The following VAV3 variants were observed in gnomAD, a reference collection of about 807,000 sequenced individuals.
VAV3 encodes vav guanine nucleotide exchange factor 3.
A neutral mutation model predicts 131.2 loss-of-function variants in VAV3; 94 were observed. The observed-to-expected ratio is 0.72, with a 90% confidence interval of 0.61 to 0.85. The LOEUF is 0.85. VAV3 is among the 40% of genes least tolerant of loss of function. The pLI, the probability that VAV3 is intolerant of heterozygous loss-of-function variation, is 0.00. For missense variants in VAV3, 939 were observed against 1,002.7 expected (o/e 0.94, Z 0.86); for synonymous variants, 349 against 342.0 (o/e 1.02, Z -0.22).
At chr1:107,863,303 T>A (rs1037520244) in intron 2 of VAV3, among the ~76,000 whole-genome samples, 11 of 152,182 alleles carry the variant, frequency 7.2e-5, no homozygotes, top group African/African-American at 2.2e-4. Context: ...AAGGTCTGCA[T>A]CATTTTTTAA....
intron 25 of VAV3, among the ~76,000 whole-genome samples, chr1:107,595,283 A>C (rs1307945159): frequency 6.6e-6 from 1 of 152,186 alleles, no homozygotes; most frequent in African/African-American, 2.4e-5. Flanking sequence ...GTTTACTTGA[A>C]TTGAAATGTA....
Position 107,964,606 on chromosome 1 carries a change from A to G in VAV3, c.204+60T>C. 10 of 1,556,008 alleles carry G rather than the reference A, an allele frequency of 6.4e-6. 1 individual carries two copies. The South Asian group carries it at 1.2e-4, about 18-fold the overall frequency. Reference sequence around the variant, plus strand: ...ACGTTTGCATTTACACAAAGAAATTAGCCGCATGATTAATGGGAGCTGCCG... The same window carrying G: ...ACGTTTGCATTTACACAAAGAAATTGGCCGCATGATTAATGGGAGCTGCCG... On this transcript the variant is annotated intron_variant, in intron 1 of 26. Coordinates refer to ENST00000370056, the MANE Select transcript of VAV3 (RefSeq NM_006113.5).
intron 26 of VAV3, 132 bp downstream of exon 26, chr1:107,573,915 C>T: frequency 8.4e-7 from 1 of 1,188,212 alleles, no homozygotes; most frequent in African/African-American, 1.6e-5. Context: ...CACCAGTTTC[C>T]AGAGGGCAGA....
intron 1 of VAV3, among the ~76,000 whole-genome samples, chr1:107,891,764 G>C (rs367684095): frequency 6.6e-6 from 1 of 150,978 alleles, no homozygotes; most frequent in Admixed American, 6.6e-5. Flanking sequence ...GCTTGAACCC[G>C]GGAGGCAGAG....
chr1:107,952,468 T>TTTATATATATATATA (rs1553235441), intron 1 of VAV3, among the ~76,000 whole-genome samples: 9 of 118,976 alleles, frequency 7.6e-5, no homozygotes, highest in African/African-American at 1.1e-4. Flanking sequence ...TAACAAAACT[T>TTTATATATATATATA]TATATATATA....
chr1:107,637,678 T>C (rs1364946422), intron 20 of VAV3, among the ~76,000 whole-genome samples: 1 of 152,080 alleles, frequency 6.6e-6, no homozygotes, highest in Non-Finnish European at 1.5e-5. Flanking sequence ...CTAAGGAAAC[T>C]CTAGGCCTAG....
intron 19 of VAV3, among the ~76,000 whole-genome samples, chr1:107,649,043 C>T (rs1195265162): frequency 6.6e-6 from 1 of 151,860 alleles, no homozygotes; most frequent in African/African-American, 2.4e-5. Flanking sequence ...TAAAAACAGC[C>T]TCAAAAGCCC....
chr1:107,669,827 T>G (rs752651328), intron 19 of VAV3, among the ~76,000 whole-genome samples: 2 of 152,104 alleles, frequency 1.3e-5, no homozygotes, highest in Non-Finnish European at 2.9e-5. Context: ...TGAATGGTAA[T>G]AAAAAACTCC....
intron 1 of VAV3, among the ~76,000 whole-genome samples, chr1:107,960,340 C>T (rs1571197306): frequency 6.6e-6 from 1 of 152,054 alleles, no homozygotes; most frequent in African/African-American, 2.4e-5. Flanking sequence ...GTGGCACGTG[C>T]CTGTAGTCCC....
chr1:107,689,335 C>T (rs1266772339), intron 17 of VAV3, among the ~76,000 whole-genome samples: 1 of 151,956 alleles, frequency 6.6e-6, no homozygotes, highest in Non-Finnish European at 1.5e-5. Flanking sequence ...AAAGAGCAGG[C>T]CTAAGTGGGA....
At chr1:107,589,801 A>G (rs1650798413) in intron 25 of VAV3, among the ~76,000 whole-genome samples, 1 of 152,210 alleles carries the variant, frequency 6.6e-6, no homozygotes, top group Non-Finnish European at 1.5e-5. Flanking sequence ...AACTAAGTTA[A>G]GTGGATGGTT....
At chr1:107,734,901 T>C (rs1263645333) in intron 15 of VAV3, among the ~76,000 whole-genome samples, 2 of 152,186 alleles carry the variant, frequency 1.3e-5, no homozygotes, top group Non-Finnish European at 2.9e-5. Flanking sequence ...CAACACAATA[T>C]ACATTCTTCT....
intron 25 of VAV3, among the ~76,000 whole-genome samples, chr1:107,588,536 A>G (rs1018633713): frequency 7.2e-5 from 11 of 152,310 alleles, no homozygotes; most frequent in Admixed American, 1.3e-4. Context: ...GTGAGATGCT[A>G]TTCTCAGTAT....
intron 20 of VAV3, among the ~76,000 whole-genome samples, chr1:107,634,339 T>G (rs1272906921): frequency 6.6e-6 from 1 of 152,150 alleles, no homozygotes; most frequent in Non-Finnish European, 1.5e-5. Flanking sequence ...CCATCTGATC[T>G]TTGACAAACC....
At chr1:107,955,694 C>A (rs1011785770) in intron 1 of VAV3, among the ~76,000 whole-genome samples, 2 of 151,062 alleles carry the variant, frequency 1.3e-5, no homozygotes, top group Non-Finnish European at 2.9e-5. Flanking sequence ...AAGGTATATG[C>A]AACAGCACAG....
At chr1:107,960,693 C>T (rs1675043550) in intron 1 of VAV3, among the ~76,000 whole-genome samples, 1 of 152,130 alleles carries the variant, frequency 6.6e-6, no homozygotes, top group African/African-American at 2.4e-5. Flanking sequence ...GTATGCCTGC[C>T]ACTTAATGAC....
chr1:107,946,969 A>G (rs1571177411), intron 1 of VAV3, among the ~76,000 whole-genome samples: 1 of 152,242 alleles, frequency 6.6e-6, no homozygotes, highest in Admixed American at 6.5e-5. Flanking sequence ...TCATGACAGC[A>G]GCCTACAGCA....
chr1:107,793,123 C>T (rs746378093), intron 2 of VAV3, among the ~76,000 whole-genome samples: 58 of 152,100 alleles, frequency 3.8e-4, no homozygotes, highest in Non-Finnish European at 5.9e-4. Context: ...CTATAAAATG[C>T]TCAAGACAAC....
chr1:107,748,874 C>T, intron 15 of VAV3, 94 bp downstream of exon 15: 4 of 946,754 alleles, frequency 4.2e-6, no homozygotes, highest in Non-Finnish European at 6.2e-6. Context: ...ATTATACATG[C>T]TACAAGCATT....
Sources: gnomAD v4.1 joint callset for allele counts (sites outside exome capture counted in the v4.1 genomes callset) on GRCh38, gnomAD v4.1.1 for gene constraint, MANE v1.5 for transcripts, NCBI Gene and HGNC (gene_info 2026-07-23, HGNC 2026-07-21) for gene names.